PFKFB4: variants seen among roughly 807,000 people sequenced by gnomAD.
PFKFB4 encodes the protein 6-phosphofructo-2-kinase/fructose-2,6-biphosphatase 4, also known as 6-phosphofructo-2-kinase/fructose-2,6-bisphosphatase 4.
In PFKFB4, 42 loss-of-function variants were observed where a neutral mutation model predicts 62.8. The ratio of observed to expected loss-of-function variants is 0.67; its 90% confidence interval spans 0.52 to 0.86. The LOEUF (loss-of-function observed/expected upper bound fraction) is 0.86, where lower values mean the gene tolerates loss of function less well. Ranked by LOEUF, PFKFB4 falls within the 40% of genes least tolerant of loss-of-function variation. The pLI is 0.00. For synonymous variants in PFKFB4, 204 were observed against 240.7 expected (o/e 0.85, Z 1.41); for missense variants, 475 against 627.2 (o/e 0.76, Z 2.59).
chr3:48,542,709 A>G (rs771422181), intron 4 of PFKFB4, among the ~76,000 whole-genome samples: 3 of 152,160 alleles, frequency 2.0e-5, no homozygotes, highest in Non-Finnish European at 4.4e-5. Flanking sequence ...TCAGAATGAC[A>G]TGAGACTTCT....
Position 48,523,750 on chromosome 3 carries a change from G to A in PFKFB4, c.1173C>T (p.His391=), listed in dbSNP as rs1187062595. ...ERQENVLVIC[H]QAVMRCLLAY... is the part of the protein sequence containing the mutation. ...CCAGCAGGCAGCGCATCACAGCCTG[G>A]TGGCAGATGACCAGCACATTCTCTT... Residue 391 remains histidine (H), a synonymous_variant, in exon 11 of 14, where the codon CAC becomes CAT. Coordinates refer to ENST00000232375, the MANE Select transcript of PFKFB4 (RefSeq NM_004567.4). 6.2e-7 allele frequency: 1 copy of A among 1,614,210 alleles called. No homozygotes were observed.
chr3:48,555,119 C>G lies in PFKFB4; in HGVS notation c.97+1562G>C, dbSNP rs7631971. Among the ~76,000 whole-genome samples the G allele has an allele frequency of 9.1e-4, 139 of 151,944 alleles. 1 individual carries two copies. The highest frequency in any genetic ancestry group is 3.0e-3 in the African/African-American group (123 of 41,318). ...CCTATGTAGTAATAGCAGCCACCCC[C>G]CTAAGTCAGGACCACACAGCCCTAA... On this transcript the variant is annotated intron_variant, in intron 1 of 13. Transcript: ENST00000232375.
At chr3:48,551,092 G>A (rs1187537529) in intron 1 of PFKFB4, among the ~76,000 whole-genome samples, 1 of 152,214 alleles carries the variant, frequency 6.6e-6, no homozygotes, top group Non-Finnish European at 1.5e-5. Context: ...GCCAGCCAGA[G>A]AAGATGCCAG....
At chr3:48,555,475 G>C (rs1177321409) in intron 1 of PFKFB4, among the ~76,000 whole-genome samples, 1 of 152,162 alleles carries the variant, frequency 6.6e-6, no homozygotes, top group Non-Finnish European at 1.5e-5. Context: ...GGGAGACCCA[G>C]GCATGTCACT....
chr3:48,532,135 T>A (rs2042447869), intron 9 of PFKFB4, among the ~76,000 whole-genome samples: 1 of 152,042 alleles, frequency 6.6e-6, no homozygotes, highest in African/African-American at 2.4e-5. Context: ...GGTGAAACCC[T>A]GTCTCTACTA....
At position 48,543,593 on chromosome 3, in the gene PFKFB4, C is replaced by G. The variant is rs1249056527; in HGVS notation, c.365G>C (p.Gly122Ala). The part of the protein sequence containing the change: ...RDVRRFLSEE[G>A]GHVAVFDATN... ...TGTCACACTCACCGCCACATGTCCC[C>G]CCTCCTCACTAAGGAACCGCCGGAC... Residue 122 changes from glycine (G) to alanine (A), a missense_variant, in exon 4 of 14, where the codon GGG becomes GCG. Coordinates refer to ENST00000232375, the MANE Select transcript of PFKFB4 (RefSeq NM_004567.4). 2.5e-6 allele frequency: 4 copies of G among 1,610,384 alleles called. No homozygotes were observed. Among genetic ancestry groups the G allele is most frequent in the Non-Finnish European group, 3.4e-6 (4 of 1,178,698 alleles).
At position 48,536,429 on chromosome 3, in the gene PFKFB4, G is replaced by C; in HGVS notation, c.667C>G (p.Gln223Glu). The change falls in exon 8 of 14, where the codon CAG becomes GAG. Residue 223 changes from glutamine to glutamate, a missense_variant. Coordinates refer to ENST00000232375, the MANE Select transcript of PFKFB4 (RefSeq NM_004567.4). The part of the protein sequence containing the change: ...LSYIKIMDVG[Q>E]SYVVNRVADH... Reference sequence around the variant, plus strand: ...GCCACACGGTTCACCACGTAGCTCTGGCCCACATCCATGATCTTGATATAG... The same window carrying C: ...GCCACACGGTTCACCACGTAGCTCTCGCCCACATCCATGATCTTGATATAG... The C allele has an allele frequency of 6.2e-7, 1 of 1,614,028 alleles. No individual in the cohort carries two copies. Among genetic ancestry groups the C allele is most frequent in the South Asian group, 1.1e-5 (1 of 91,088 alleles).
In PFKFB4 at chr3:48,550,294, C is replaced by T. The variant is rs1471691083; in HGVS notation, c.98-60G>A. The stretch of plus-strand genomic sequence containing the variant: ...TGGGACCCTCCCAGCGCACCCCTCC[C>T]TCTCAGCCTGTGGTCTCTCAGCCTC... On this transcript the variant is annotated intron_variant, in intron 1 of 13. Coordinates refer to ENST00000232375, the MANE Select transcript of PFKFB4 (RefSeq NM_004567.4). 4 of 1,094,236 alleles carry T rather than the reference C, an allele frequency of 3.7e-6. No homozygotes were observed. In the East Asian group the frequency reaches 9.4e-5, roughly 26 times the overall value. The allele number at this position is 1,094,236 out of a possible 1,614,324, so 67.8% of individuals were successfully genotyped here.
upstream of PFKFB4, chr3:48,562,802 C>A (rs371104367): frequency 5.8e-6 from 9 of 1,555,824 alleles, no homozygotes; most frequent in East Asian, 1.4e-4. This position sits in a 1 kb window ranked among gnomAD's most constrained non-coding sequence, Gnocchi z 4.3. Flanking sequence ...GTGGCCGACA[C>A]GGGCCAGGAT....
chr3:48,539,392 C>A (rs2042733156), intron 5 of PFKFB4, 82 bp from the exon 6 acceptor site: 5 of 1,200,920 alleles, frequency 4.2e-6, no homozygotes, highest in Non-Finnish European at 6.1e-6. Flanking sequence ...CTCCTCGGAG[C>A]TCTCCATCCC....
chr3:48,555,903 T>A (rs2043300805), intron 1 of PFKFB4, among the ~76,000 whole-genome samples: 1 of 149,626 alleles, frequency 6.7e-6, no homozygotes, highest in South Asian at 2.1e-4. Flanking sequence ...GCGAGACTCA[T>A]CTCTTAAAAA....
chr3:48,555,505 T>A (rs752637308), intron 1 of PFKFB4, among the ~76,000 whole-genome samples: 3 of 152,202 alleles, frequency 2.0e-5, no homozygotes, highest in Non-Finnish European at 2.9e-5. Context: ...GATCTCCATT[T>A]CACTGTCTGT....
intron 12 of PFKFB4, 74 bp downstream of exon 12, chr3:48,523,463 G>A (rs1289473731): frequency 5.8e-6 from 8 of 1,382,830 alleles, no homozygotes; most frequent in African/African-American, 4.3e-5. Context: ...CAAGGAATTC[G>A]GAGAAAATCA....
Position 48,521,604 on chromosome 3 carries a change from G to T in PFKFB4, c.1350+382C>A, listed in dbSNP as rs1000902226. Among the ~76,000 whole-genome samples the T allele has an allele frequency of 1.3e-5, 2 of 152,220 alleles. No individual in the cohort carries two copies. Among genetic ancestry groups the T allele is most frequent in the Non-Finnish European group, 2.9e-5 (2 of 68,018 alleles). Reference sequence around the variant, plus strand: ...GAAGAGTGCCCACCTGCCCTCAGAAGGCCAGAAGCCTCATTCTTAGCCTCC... The same window carrying T: ...GAAGAGTGCCCACCTGCCCTCAGAATGCCAGAAGCCTCATTCTTAGCCTCC... On this transcript the variant is annotated intron_variant, in intron 13 of 13. Transcript: ENST00000232375. This position sits in a 1 kb window ranked among gnomAD's most constrained non-coding sequence, Gnocchi z 5.3.
intron 10 of PFKFB4, 29 bp downstream of exon 10, chr3:48,525,536 G>C (rs780141496): frequency 7.8e-7 from 1 of 1,282,136 alleles, no homozygotes; most frequent in Admixed American, 1.9e-5. Flanking sequence ...GCAGTAGGTG[G>C]CTGGGACTAA....
At chr3:48,563,095 C>G, upstream of PFKFB4, 1 of 1,611,506 alleles carries the variant, frequency 6.2e-7, no homozygotes, top group Non-Finnish European at 8.5e-7. This position sits in a 1 kb window ranked among gnomAD's most constrained non-coding sequence, Gnocchi z 4.5. Context: ...ACATCAGGAC[C>G]ATCAGCAACA....
At chr3:48,555,275 A>C (rs1032568338) in intron 1 of PFKFB4, among the ~76,000 whole-genome samples, 1 of 152,130 alleles carries the variant, frequency 6.6e-6, no homozygotes, top group Admixed American at 6.5e-5. Context: ...CAAAGCCATG[A>C]GTTACCACGA....
At chr3:48,560,124 G>A (rs2043409990), upstream of PFKFB4, among the ~76,000 whole-genome samples, 2 of 151,946 alleles carry the variant, frequency 1.3e-5, no homozygotes, top group Non-Finnish European at 2.9e-5. Flanking sequence ...AGACCCAGGG[G>A]TTTCAGTGCA....
rs2042027719 is a variant in PFKFB4 at position 48,519,658 on chromosome 3, A to C, written c.*89T>G. 9.2e-6 allele frequency: 9 copies of C among 981,860 alleles called. 1 individual carries two copies. Among genetic ancestry groups the C allele is most frequent in the South Asian group, 4.0e-5 (3 of 75,362 alleles). The allele number at this position is 981,860 out of a possible 1,614,324, so 60.8% of individuals were successfully genotyped here. Reference sequence around the variant, plus strand: ...GGCTTCAAGAATATCCCTGCATGGCATGGTGACTATCACACACACTGGAGG... The same window carrying C: ...GGCTTCAAGAATATCCCTGCATGGCCTGGTGACTATCACACACACTGGAGG... On this transcript the variant is annotated 3_prime_UTR_variant, in exon 14 of 14. Transcript: ENST00000232375.
Sources: gnomAD v4.1 joint callset for allele counts (sites outside exome capture counted in the v4.1 genomes callset) on GRCh38, gnomAD v4.1.1 for gene constraint, Gnocchi (gnomAD v3.1) non-coding constraint, MANE v1.5 for transcripts, NCBI Gene and HGNC (gene_info 2026-07-23, HGNC 2026-07-21) for gene names.